Variants in CFAP210 observed in about 807,000 individuals in gnomAD.
CFAP210 encodes the protein cilia and flagella associated protein 210.
chr2:169,654,327 C>T, the CFAP210 span: 2 of 894,648 alleles, frequency 2.2e-6, no homozygotes, highest in Non-Finnish European at 3.2e-6. Flanking sequence ...AGTTATTTCT[C>T]TCCTGGAAAT....
At chr2:169,652,284 T>C in the CFAP210 span, among the ~76,000 whole-genome samples, 1 of 152,168 alleles carries the variant, frequency 6.6e-6, no homozygotes, top group East Asian at 1.9e-4. Flanking sequence ...ATGAGAAAGC[T>C]AGAAAATGAT....
chr2:169,677,305 T>C, the CFAP210 span, among the ~76,000 whole-genome samples: 1 of 152,194 alleles, frequency 6.6e-6, no homozygotes, highest in African/African-American at 2.4e-5. Context: ...TGAACACAGA[T>C]ACAAAAATTA....
the CFAP210 span, chr2:169,649,124 T>C: frequency 3.5e-6 from 5 of 1,425,052 alleles, no homozygotes; most frequent in Non-Finnish European, 4.7e-6. Flanking sequence ...AAAACTAGCA[T>C]GAATTCTGTA....
At chr2:169,692,116 C>T in the CFAP210 span, among the ~76,000 whole-genome samples, 1 of 152,140 alleles carries the variant, frequency 6.6e-6, no homozygotes, top group African/African-American at 2.4e-5. Context: ...TCTATGCATG[C>T]ACTTGGCCTT....
At chr2:169,661,643 C>G in the CFAP210 span, among the ~76,000 whole-genome samples, 1 of 152,220 alleles carries the variant, frequency 6.6e-6, no homozygotes, top group Non-Finnish European at 1.5e-5. Flanking sequence ...CCTCACAACT[C>G]TCAAGAAAAT....
At chr2:169,677,382 G>A in the CFAP210 span, among the ~76,000 whole-genome samples, 2 of 152,130 alleles carry the variant, frequency 1.3e-5, no homozygotes, top group Admixed American at 6.5e-5. Flanking sequence ...TTTTATCTTA[G>A]GAATGCAAGC....
chr2:169,687,965 C>T, the CFAP210 span, among the ~76,000 whole-genome samples: 3 of 152,236 alleles, frequency 2.0e-5, no homozygotes, highest in Admixed American at 2.0e-4. Flanking sequence ...TGTGCACCTA[C>T]AGGCTCAACA....
At chr2:169,675,131 T>C in the CFAP210 span, 3 of 935,640 alleles carry the variant, frequency 3.2e-6, no homozygotes, top group African/African-American at 1.7e-5. Context: ...TGAGCTTTTA[T>C]GTTTTTATTG....
the CFAP210 span, among the ~76,000 whole-genome samples, chr2:169,661,597 C>T: frequency 6.6e-6 from 1 of 152,180 alleles, no homozygotes; most frequent in African/African-American, 2.4e-5. Context: ...ATATTAATGG[C>T]ACAACAGACA....
chr2:169,652,922 C>T, the CFAP210 span, among the ~76,000 whole-genome samples: 2 of 137,342 alleles, frequency 1.5e-5, no homozygotes, highest in South Asian at 2.4e-4. Flanking sequence ...ATGGCGTGAA[C>T]CCGGGAGGTG....
the CFAP210 span, chr2:169,674,537 A>G: frequency 6.8e-7 from 1 of 1,477,696 alleles, no homozygotes. Flanking sequence ...ATTATGAGAA[A>G]ACGAGAAAGG....
At chr2:169,674,752 A>G in the CFAP210 span, 1 of 1,577,942 alleles carries the variant, frequency 6.3e-7, no homozygotes, top group Non-Finnish European at 8.6e-7. Context: ...TCATAACTCT[A>G]CTAAGAAGAA....
At chr2:169,675,918 T>C in the CFAP210 span, among the ~76,000 whole-genome samples, 1 of 152,228 alleles carries the variant, frequency 6.6e-6, no homozygotes, top group South Asian at 2.1e-4. Flanking sequence ...CTTTTCCTTA[T>C]TGGTCCTATT....
chr2:169,679,205 A>G, the CFAP210 span, among the ~76,000 whole-genome samples: 1 of 152,248 alleles, frequency 6.6e-6, no homozygotes, highest in Admixed American at 6.5e-5. Context: ...CCTATACAGG[A>G]AACCAAAAAA....
the CFAP210 span, chr2:169,658,756 G>T: frequency 9.4e-6 from 3 of 317,776 alleles, no homozygotes; most frequent in South Asian, 3.0e-5. Flanking sequence ...GAGTTAGTCT[G>T]ATCATTCAAA....
chr2:169,653,307 A>G, the CFAP210 span, among the ~76,000 whole-genome samples: 1 of 151,856 alleles, frequency 6.6e-6, no homozygotes, highest in South Asian at 2.1e-4. Context: ...AGTCCAGTGC[A>G]GGTGAGAAGA....
chr2:169,658,903 A>C, the CFAP210 span: 1 of 172,540 alleles, frequency 5.8e-6, no homozygotes, highest in Non-Finnish European at 1.2e-5. Flanking sequence ...AGGCAGGAGG[A>C]CTGCTTGACC....
the CFAP210 span, among the ~76,000 whole-genome samples, chr2:169,677,903 G>T: frequency 6.6e-6 from 1 of 152,068 alleles, no homozygotes; most frequent in African/African-American, 2.4e-5. Flanking sequence ...AAAATTTACT[G>T]TATTTCTAAA....
chr2:169,692,866 C>T, the CFAP210 span, among the ~76,000 whole-genome samples: 1 of 152,154 alleles, frequency 6.6e-6, no homozygotes, highest in Non-Finnish European at 1.5e-5. Context: ...CTATTTTTCA[C>T]TGTGATTACT....
Sources: allele counts gnomAD v4.1 joint callset (sites outside exome capture counted in the v4.1 genomes callset), GRCh38; gene constraint gnomAD v4.1.1; transcripts MANE v1.5; gene names NCBI Gene and HGNC (gene_info 2026-07-23, HGNC 2026-07-21).